Variants in SIN3A observed in about 807,000 individuals in gnomAD.
SIN3A encodes the protein SIN3 transcription regulator family member A, also known as paired amphipathic helix protein Sin3a.
In SIN3A, 14 loss-of-function variants were observed where a neutral mutation model predicts 146.1. That is an observed-to-expected ratio of 0.10 (90% CI 0.06 to 0.15). The LOEUF is 0.15. Ranked by LOEUF, SIN3A falls within the 10% of genes least tolerant of loss-of-function variation. The pLI is 1.00. For synonymous variants in SIN3A, 572 were observed against 572.0 expected (o/e 1.00, Z 0.00); for missense variants, 1,028 against 1,576.0 (o/e 0.65, Z 5.89).
intron 1 of SIN3A, among the ~76,000 whole-genome samples, chr15:75,434,736 G>A (rs777649997): frequency 4.6e-5 from 7 of 151,618 alleles, no homozygotes; most frequent in Non-Finnish European, 7.4e-5. Flanking sequence ...ATCACCTGAC[G>A]TCGGGAGTTT....
At chr15:75,423,543 T>C (rs953394523) in intron 2 of SIN3A, among the ~76,000 whole-genome samples, 2 of 152,164 alleles carry the variant, frequency 1.3e-5, no homozygotes, top group Admixed American at 6.5e-5. Context: ...CCAGGCGTGT[T>C]GGCGGGCACC....
At chr15:75,408,938 T>C (rs1023006926) in intron 8 of SIN3A, among the ~76,000 whole-genome samples, 6 of 152,330 alleles carry the variant, frequency 3.9e-5, no homozygotes, top group African/African-American at 1.2e-4. Context: ...GCGCGGTGGC[T>C]CACGCCTGTA....
intron 1 of SIN3A, among the ~76,000 whole-genome samples, chr15:75,440,899 G>A (rs1025989394): frequency 6.0e-5 from 9 of 149,328 alleles, no homozygotes; most frequent in African/African-American, 1.5e-4. Flanking sequence ...GGAGAATGGC[G>A]TGAACCTGGA....
chr15:75,422,417 C>A, intron 3 of SIN3A: 1 of 607,002 alleles, frequency 1.6e-6, no homozygotes, highest in Middle Eastern at 3.1e-4. Context: ...AACATTTGAC[C>A]GACATGCATT....
At chr15:75,419,924 T>C (rs768941275) in intron 3 of SIN3A, 11 of 152,132 alleles carry the variant, frequency 7.2e-5, no homozygotes, top group African/African-American at 2.7e-4. Flanking sequence ...CATGTAAAAA[T>C]AGTGAGGAAA....
chr15:75,380,939 T>G (rs2072952544), intron 18 of SIN3A: 1 of 490,402 alleles, frequency 2.0e-6, no homozygotes, highest in Non-Finnish European at 3.8e-6. Flanking sequence ...TCTGAGGTGC[T>G]AAGGTTATGA....
At chr15:75,414,364 CA>C (rs1205994316) in intron 3 of SIN3A, 53 bp from the exon 4 acceptor site, 1,978 of 806,212 alleles carry the variant, frequency 2.5e-3, no homozygotes, top group South Asian at 4.6e-3. Flanking sequence ...CTCATAATTA[CA>C]AAAAAAAAAC....
chr15:75,394,829 G>A lies in SIN3A; in HGVS notation c.2128C>T (p.Gln710Ter). 6.2e-7 allele frequency: 1 copy of A among 1,613,954 alleles called. No individual in the cohort carries two copies. Among genetic ancestry groups the A allele is most frequent in the Non-Finnish European group, 8.5e-7 (1 of 1,179,958 alleles). Residue 710 changes from glutamine to a stop codon, truncating the protein, a stop_gained, in exon 14 of 21, where the codon CAG becomes TAG. Coordinates refer to ENST00000394947, the MANE Select transcript of SIN3A (RefSeq NM_001145358.2). LOFTEE classifies it high-confidence loss of function. ...KMKEEEWREA[Q>*]RGFNKVWREQ... ...CGCCATACTTTGTTAAAGCCTCTCT[G>A]AGCTTCTCGCCATTCTTCCTCTTTC...
chr15:75,375,559 G>A (rs1043798328), intron 20 of SIN3A, 106 bp downstream of exon 20: 1 of 848,162 alleles, frequency 1.2e-6, no homozygotes, highest in Non-Finnish European at 1.9e-6. Flanking sequence ...TCAGCTCCAA[G>A]AACAGGTTTG....
At chr15:75,433,164 T>A (rs936082212) in intron 1 of SIN3A, among the ~76,000 whole-genome samples, 8 of 152,094 alleles carry the variant, frequency 5.3e-5, no homozygotes, top group African/African-American at 1.9e-4. Flanking sequence ...GATGGGAGAA[T>A]GTTTGAGGGC....
intron 9 of SIN3A, 34 bp from the exon 10 acceptor site, chr15:75,402,004 G>C: frequency 7.0e-7 from 1 of 1,423,602 alleles, no homozygotes; most frequent in Middle Eastern, 1.8e-4. Flanking sequence ...AACAGTTTTT[G>C]TTTTTCTTAA....
rs1164184277 is a variant in SIN3A at position 75,411,682 on chromosome 15, G to A, written c.818C>T (p.Ala273Val). Residue 273 changes from alanine (A) to valine (V), a missense_variant, in exon 6 of 21, where the codon GCA (alanine) becomes GTA (valine). By Grantham distance (64) the Ala-to-Val change is moderately conservative. Coordinates refer to ENST00000394947, the MANE Select transcript of SIN3A (RefSeq NM_001145358.2). Reference protein sequence around the residue: ...SQQTPPLPPYASPRSPPVQPH... With the variant: ...SQQTPPLPPYVSPRSPPVQPH... ...CTGGACCGGCGGAGAACGTGGGGAT[G>A]CATACGGTGGAAGTGGGGGAGTCTG... is the stretch of plus-strand genomic sequence containing the variant. 1.9e-6 allele frequency: 3 copies of A among 1,613,790 alleles called. No individual in the cohort carries two copies. The Admixed American group carries it at 5.0e-5, about 27-fold the overall frequency.
At chr15:75,407,001 G>A in intron 9 of SIN3A, 54 bp downstream of exon 9, 4 of 1,265,578 alleles carry the variant, frequency 3.2e-6, no homozygotes, top group Non-Finnish European at 4.6e-6. Context: ...GGGATAAGAT[G>A]ATTTTCTTTT....
At chr15:75,444,059 G>A (rs775469950) in intron 1 of SIN3A, among the ~76,000 whole-genome samples, 2 of 152,134 alleles carry the variant, frequency 1.3e-5, no homozygotes, top group Non-Finnish European at 2.9e-5. Context: ...CTAGGATGAT[G>A]AAATACCAAA....
intron 16 of SIN3A, among the ~76,000 whole-genome samples, chr15:75,386,010 C>T (rs1398013182): frequency 6.6e-6 from 1 of 152,194 alleles, no homozygotes; most frequent in Non-Finnish European, 1.5e-5. Flanking sequence ...ATCATACATA[C>T]AGATGCTTCC....
Position 75,422,748 on chromosome 15 carries a change from T to C in SIN3A, c.265A>G (p.Thr89Ala), listed in dbSNP as rs763684984. Residue 89 changes from threonine (T) to alanine (A), a missense_variant, in exon 3 of 21, where the codon ACA becomes GCA. Around this residue, in one of 9 missense-constraint regions of SIN3A, gnomAD observed 152 missense variants for 231.5 expected, o/e 0.66. Transcript: ENST00000394947. ...TGGCCTCCGTGGGGCTGCACCGCTG[T>C]TGGGTGATGATGGCTGCTATGAACT... The part of the protein sequence containing the change: ...AAVHSSHHHP[T>A]AVQPHGGQVV... 1.2e-5 allele frequency: 19 copies of C among 1,614,066 alleles called. No homozygotes were observed. The East Asian group carries it at 4.2e-4, about 36-fold the overall frequency.
At chr15:75,447,360 T>G (rs745586362) in intron 1 of SIN3A, among the ~76,000 whole-genome samples, 4 of 152,088 alleles carry the variant, frequency 2.6e-5, no homozygotes, top group Non-Finnish European at 4.4e-5. Flanking sequence ...GGACCACATA[T>G]GAAAAAGACA....
chr15:75,410,319 G>A, intron 6 of SIN3A, 33 bp from the exon 7 acceptor site: 2 of 1,604,508 alleles, frequency 1.2e-6, no homozygotes, highest in Non-Finnish European at 8.5e-7. Context: ...AGATCATTTG[G>A]GCTACTGTTT....
chr15:75,444,311 C>T (rs1275598750), intron 1 of SIN3A, among the ~76,000 whole-genome samples: 4 of 152,152 alleles, frequency 2.6e-5, no homozygotes, highest in South Asian at 2.1e-4. Flanking sequence ...TATGGTGGTA[C>T]ACACCTGTAA....
Sources: gnomAD v4.1 joint callset for allele counts (sites outside exome capture counted in the v4.1 genomes callset) on GRCh38, gnomAD v4.1.1 for gene constraint, gnomAD v4.1.1 regional missense constraint, MANE v1.5 for transcripts, NCBI Gene and HGNC (gene_info 2026-07-23, HGNC 2026-07-21) for gene names.